Variants in KCNN2 observed in about 807,000 individuals in gnomAD.
KCNN2 encodes small conductance calcium-activated potassium channel protein 2.
Under a neutral mutation model 55.5 loss-of-function variants are expected in KCNN2, and 24 were observed. That is an observed-to-expected ratio of 0.43 (90% CI 0.31 to 0.61). The LOEUF (loss-of-function observed/expected upper bound fraction) is 0.61. KCNN2 is among the 20% of genes least tolerant of loss of function. KCNN2 has a pLI of 0.08. For missense variants in KCNN2, 754 were observed against 853.6 expected, an observed-to-expected ratio of 0.88 and a Z score of 1.45; for synonymous variants, 431 against 336.1, an observed-to-expected ratio of 1.28 and a Z score of -3.09.
chr5:114,474,215 A>T (rs1171214858), intron 5 of KCNN2, among the ~76,000 whole-genome samples: 1 of 152,182 alleles, frequency 6.6e-6, no homozygotes, highest in Non-Finnish European at 1.5e-5. Flanking sequence ...ATACTTCCTA[A>T]CAGGCCAGTC....
chr5:114,194,733 T>C (rs535049909), intron 1 of KCNN2, among the ~76,000 whole-genome samples: 52 of 152,196 alleles, frequency 3.4e-4, no homozygotes, highest in Admixed American at 3.1e-3. Context: ...GTGCTTTTAG[T>C]GTCACATCTA....
chr5:114,173,434 TTGTTTG>T (rs1031342903), intron 1 of KCNN2, among the ~76,000 whole-genome samples: 25 of 108,706 alleles, frequency 2.3e-4, no homozygotes, highest in African/African-American at 6.8e-4. Context: ...TGTTTTTGTT[TTGTTTG>T]TGTGTGTGTG....
chr5:114,265,472 G>A (rs1561546129), intron 2 of KCNN2, among the ~76,000 whole-genome samples: 1 of 152,056 alleles, frequency 6.6e-6, no homozygotes, highest in Non-Finnish European at 1.5e-5. Context: ...GATAGTGTAA[G>A]TTCCTATCTG....
intron 2 of KCNN2, among the ~76,000 whole-genome samples, chr5:114,312,511 C>A (rs1037252735): frequency 7.5e-6 from 1 of 133,770 alleles, no homozygotes; most frequent in Non-Finnish European, 1.6e-5. Context: ...TTGTACAAAC[C>A]CCCATATGGT....
intron 2 of KCNN2, among the ~76,000 whole-genome samples, chr5:114,328,068 T>C (rs36958): frequency 0.82 from 124,431 of 152,160 alleles, 51,014 homozygotes; most frequent in East Asian, 0.97. Flanking sequence ...TATTAAGGCT[T>C]ATACTGATTT....
At chr5:114,402,336 G>A (rs1253384621) in intron 2 of KCNN2, among the ~76,000 whole-genome samples, 2 of 152,202 alleles carry the variant, frequency 1.3e-5, no homozygotes, top group South Asian at 2.1e-4. Flanking sequence ...GATCTGCCTG[G>A]AAGTTGTTTG....
chr5:114,128,361 G>C (rs566824829), intron 1 of KCNN2, among the ~76,000 whole-genome samples: 2 of 152,256 alleles, frequency 1.3e-5, no homozygotes, highest in African/African-American at 4.8e-5. Context: ...AGTGCCCAGT[G>C]GAAGGGGAAG....
At position 114,363,241 on chromosome 5, in the gene KCNN2, T is replaced by C; in HGVS notation, c.1102T>C (p.Ser368Pro). 2 of 1,611,272 alleles carry C rather than the reference T, an allele frequency of 1.2e-6. No individual in the cohort carries two copies. Among genetic ancestry groups the C allele is most frequent in the Non-Finnish European group, 1.7e-6 (2 of 1,179,056 alleles). The stretch of plus-strand genomic sequence containing the variant: ...GGTCATGGTCATCGAGACCGAGCTG[T>C]CGTGGGGCGCCTACGACAAGGTACA... ...IVVMVIETEL[S>P]WGAYDKASLY... The change falls in exon 1 of 8, where the codon TCG becomes CCG. Residue 368 changes from serine to proline, a missense_variant. By Grantham distance (74) the Ser-to-Pro change is moderately conservative. This residue lies in a region of KCNN2 where 123 missense variants were observed against 204.9 expected (regional missense o/e 0.60). Coordinates refer to ENST00000673685, the MANE Select transcript of KCNN2 (RefSeq NM_021614.4).
upstream of KCNN2, among the ~76,000 whole-genome samples, chr5:114,357,148 C>G (rs1355141880): frequency 6.6e-6 from 1 of 151,866 alleles, no homozygotes; most frequent in South Asian, 2.1e-4. Context: ...TGGAAATATA[C>G]CAAAAACACC....
chr5:114,172,763 T>C (rs962053458), intron 1 of KCNN2, among the ~76,000 whole-genome samples: 4 of 151,834 alleles, frequency 2.6e-5, no homozygotes, highest in South Asian at 2.1e-4. Context: ...TTCAGATCTT[T>C]TGCCTGTTTT....
At chr5:114,368,221 G>A (rs1406528260) in intron 2 of KCNN2, among the ~76,000 whole-genome samples, 1 of 152,112 alleles carries the variant, frequency 6.6e-6, no homozygotes, top group African/African-American at 2.4e-5. Context: ...GTGTCTGTGG[G>A]ATTCCTGGAA....
intron 2 of KCNN2, among the ~76,000 whole-genome samples, chr5:114,222,742 C>G (rs1441156308): frequency 6.6e-6 from 1 of 152,124 alleles, no homozygotes; most frequent in African/African-American, 2.4e-5. Flanking sequence ...AAAAGTTAGA[C>G]TTTTGGTGAA....
At chr5:114,173,275 T>A (rs1244655737) in intron 1 of KCNN2, among the ~76,000 whole-genome samples, 1 of 152,086 alleles carries the variant, frequency 6.6e-6, no homozygotes, top group Non-Finnish European at 1.5e-5. Context: ...CTCTATTCGG[T>A]TCCATTGATC....
chr5:114,084,074 C>T (rs561770694), intron 1 of KCNN2, among the ~76,000 whole-genome samples: 1 of 152,198 alleles, frequency 6.6e-6, no homozygotes, highest in Non-Finnish European at 1.5e-5. Context: ...CTTCTCTAGT[C>T]ACTTTTTGAA....
chr5:114,409,643 A>G (rs1361976188), intron 3 of KCNN2, among the ~76,000 whole-genome samples: 2 of 152,174 alleles, frequency 1.3e-5, no homozygotes, highest in Non-Finnish European at 2.9e-5. Flanking sequence ...ACTTTTTTAA[A>G]AGGAAAGAGC....
chr5:114,170,294 A>T (rs1334813825), intron 1 of KCNN2, among the ~76,000 whole-genome samples: 5 of 152,090 alleles, frequency 3.3e-5, no homozygotes. Flanking sequence ...TATATTTTAC[A>T]ACTAAATGAT....
intron 2 of KCNN2, among the ~76,000 whole-genome samples, chr5:114,335,435 G>A (rs1432073115): frequency 6.6e-6 from 1 of 152,108 alleles, no homozygotes; most frequent in Admixed American, 6.6e-5. Context: ...TGCATTTCTT[G>A]CATGATGACA....
At chr5:114,458,962 C>G (rs12153101) in intron 3 of KCNN2, among the ~76,000 whole-genome samples, 16,998 of 152,248 alleles carry the variant, frequency 0.11, 1,877 homozygotes, top group East Asian at 0.59. Flanking sequence ...GAGGCAGGAG[C>G]GCAGGCCAGA....
chr5:114,073,565 T>C (rs910107210), intron 1 of KCNN2, among the ~76,000 whole-genome samples: 1 of 152,034 alleles, frequency 6.6e-6, no homozygotes, highest in Non-Finnish European at 1.5e-5. Context: ...CCTAAATCTA[T>C]GGCTTCTGCC....
Sources: gnomAD v4.1 joint callset for allele counts (sites outside exome capture counted in the v4.1 genomes callset) on GRCh38, gnomAD v4.1.1 for gene constraint, gnomAD v4.1.1 regional missense constraint, MANE v1.5 for transcripts, NCBI Gene and HGNC (gene_info 2026-07-23, HGNC 2026-07-21) for gene names.